Variants in NRG1 observed in about 807,000 individuals in gnomAD.
NRG1 encodes the protein pro-neuregulin-1, membrane-bound isoform.
A neutral mutation model predicts 63.8 loss-of-function variants in NRG1; 18 were observed. The ratio of observed to expected loss-of-function variants is 0.28; its 90% CI spans 0.19 to 0.42. The LOEUF is 0.42. Ranked by LOEUF, NRG1 falls within the 10% of genes least tolerant of loss-of-function variation. The probability of loss-of-function intolerance (pLI) is 1.00; values close to 1 mark genes in which losing one functional copy is unlikely to be tolerated. For synonymous variants in NRG1, 302 were observed against 301.3 expected, an observed-to-expected ratio of 1.00 and a Z score of -0.02; for missense variants, 762 against 814.7, an observed-to-expected ratio of 0.94 and a Z score of 0.79.
At chr8:32,285,305 T>A (rs1438399838) in intron 1 of NRG1, among the ~76,000 whole-genome samples, 1 of 152,142 alleles carries the variant, frequency 6.6e-6, no homozygotes, top group African/African-American at 2.4e-5. Flanking sequence ...GCACTGGTGA[T>A]AGAGGCAGGA....
intron 1 of NRG1, among the ~76,000 whole-genome samples, chr8:31,647,197 A>C (rs1312105162): frequency 2.0e-5 from 3 of 152,240 alleles, no homozygotes; most frequent in Non-Finnish European, 4.4e-5. Flanking sequence ...TGTAAGTGAT[A>C]CTTTATGTTG....
At chr8:31,808,073 G>A (rs527471139) in intron 1 of NRG1, among the ~76,000 whole-genome samples, 7 of 151,844 alleles carry the variant, frequency 4.6e-5, no homozygotes, top group East Asian at 3.9e-4. Context: ...ATTTTTAAGC[G>A]ATAAAGAATA....
chr8:32,642,425 G>T (rs142546425), intron 5 of NRG1, among the ~76,000 whole-genome samples: 50 of 152,326 alleles, frequency 3.3e-4, no homozygotes, highest in African/African-American at 1.1e-3. Flanking sequence ...GTTAAGAAAT[G>T]CTGGGTCTAT....
intron 1 of NRG1, among the ~76,000 whole-genome samples, chr8:31,684,562 C>T (rs780477164): frequency 6.6e-6 from 1 of 152,142 alleles, no homozygotes; most frequent in Non-Finnish European, 1.5e-5. Context: ...AATACAGGGA[C>T]TCAGCAGTTT....
intron 1 of NRG1, among the ~76,000 whole-genome samples, chr8:31,895,857 C>T (rs1446966678): frequency 2.0e-5 from 3 of 152,070 alleles, no homozygotes; most frequent in Non-Finnish European, 4.4e-5. Flanking sequence ...TGTATATTTT[C>T]CCAGAAGTTA....
intron 6 of NRG1, among the ~76,000 whole-genome samples, chr8:32,739,786 G>A (rs1825903682): frequency 6.6e-6 from 1 of 152,092 alleles, no homozygotes; most frequent in South Asian, 2.1e-4. Context: ...GGCATTTCCT[G>A]CCTTGAGCAA....
chr8:31,757,942 C>T (rs1817142984), intron 1 of NRG1, among the ~76,000 whole-genome samples: 1 of 152,060 alleles, frequency 6.6e-6, no homozygotes, highest in South Asian at 2.1e-4. Context: ...CCTCCTTCTC[C>T]TCTATCACTC....
At chr8:32,771,483 A>G (rs1384596279), downstream of NRG1, among the ~76,000 whole-genome samples, 1 of 150,624 alleles carries the variant, frequency 6.6e-6, no homozygotes, top group Non-Finnish European at 1.5e-5. Context: ...CAGCCATACC[A>G]TTTCATGTTA....
chr8:32,503,521 G>C (rs1314521905), intron 1 of NRG1, among the ~76,000 whole-genome samples: 1 of 152,038 alleles, frequency 6.6e-6, no homozygotes, highest in Admixed American at 6.6e-5. Context: ...TCAGAGTAAT[G>C]ACTCAATCTG....
intron 1 of NRG1, among the ~76,000 whole-genome samples, chr8:31,889,960 A>G (rs1426609079): frequency 1.3e-5 from 2 of 152,188 alleles, no homozygotes; most frequent in Admixed American, 6.5e-5. Flanking sequence ...GAAAAAAAAG[A>G]AAGAAAAAAG....
chr8:31,963,645 T>A (rs1256344857), intron 1 of NRG1, among the ~76,000 whole-genome samples: 2 of 152,178 alleles, frequency 1.3e-5, no homozygotes, highest in Non-Finnish European at 2.9e-5. Flanking sequence ...ATTGTATATC[T>A]CCTCTCTTTT....
chr8:32,503,503 A>G (rs1360221538), intron 1 of NRG1, among the ~76,000 whole-genome samples: 2 of 152,138 alleles, frequency 1.3e-5, no homozygotes, highest in African/African-American at 4.8e-5. Context: ...TTGTTGAAAT[A>G]AAGTTTGTCA....
At chr8:31,798,277 TG>T (rs1821429352) in intron 1 of NRG1, among the ~76,000 whole-genome samples, 1 of 152,218 alleles carries the variant, frequency 6.6e-6, no homozygotes. Flanking sequence ...TACCCTGATT[TG>T]ATCATTATGC....
rs187111907 is a variant in NRG1 at position 32,131,894 on chromosome 8, T to C, written c.38-463934T>C. Among the ~76,000 whole-genome samples, 13 of 152,130 alleles carry C rather than the reference T, an allele frequency of 8.5e-5. No individual in the cohort carries two copies. In the East Asian group the frequency reaches 2.5e-3, roughly 29 times the overall value. ...AAACTTGTATCTGCAGCCCTCTTATTAAAAAGATTCCTGGATTTTTTTCCC... is the reference window on the plus strand; with the variant it reads ...AAACTTGTATCTGCAGCCCTCTTATCAAAAAGATTCCTGGATTTTTTTCCC... On this transcript the variant is annotated intron_variant, in intron 1 of 10. Transcript: ENST00000519301.
At chr8:32,355,733 T>C (rs1277228551) in intron 1 of NRG1, among the ~76,000 whole-genome samples, 1 of 152,152 alleles carries the variant, frequency 6.6e-6, no homozygotes, top group East Asian at 1.9e-4. Flanking sequence ...TTTCCTCACC[T>C]TGATGTTGTC....
At chr8:31,962,317 T>A (rs1222253536) in intron 1 of NRG1, among the ~76,000 whole-genome samples, 6 of 152,212 alleles carry the variant, frequency 3.9e-5, no homozygotes. Context: ...CTCCTACTGC[T>A]GAGCTCTCTC....
At chr8:31,687,602 A>G (rs996451113) in intron 1 of NRG1, among the ~76,000 whole-genome samples, 30 of 152,190 alleles carry the variant, frequency 2.0e-4, no homozygotes, top group African/African-American at 7.0e-4. Context: ...ATGAAGATGT[A>G]AAACTTTATA....
chr8:32,469,345 TAA>T (rs1294523305), intron 1 of NRG1, among the ~76,000 whole-genome samples: 1 of 152,148 alleles, frequency 6.6e-6, no homozygotes, highest in Non-Finnish European at 1.5e-5. Context: ...GGAGAAATCA[TAA>T]AAACAAGCAC....
chr8:32,280,679 G>A (rs1852608498), intron 1 of NRG1, among the ~76,000 whole-genome samples: 1 of 95,108 alleles, frequency 1.1e-5, no homozygotes, highest in African/African-American at 4.0e-5. Context: ...AACTGAATTA[G>A]GTTTTTTTTT....
Sources: gnomAD v4.1 joint callset for allele counts (sites outside exome capture counted in the v4.1 genomes callset) on GRCh38, gnomAD v4.1.1 for gene constraint, MANE v1.5 for transcripts, NCBI Gene and HGNC (gene_info 2026-07-23, HGNC 2026-07-21) for gene names.